The following ZNF654 variants were observed in gnomAD, a reference collection of about 807,000 sequenced individuals.
ZNF654 encodes melanoma-associated antigen.
ZNF654 carries 19 observed loss-of-function variants against 95.3 expected under a neutral mutation model. That is an observed-to-expected ratio of 0.20 (90% confidence interval 0.14 to 0.29). The LOEUF is 0.29. Ranked by LOEUF, ZNF654 falls within the 10% of genes least tolerant of loss-of-function variation. The pLI is 1.00. For missense variants in ZNF654, 1,046 were observed against 1,341.0 expected (o/e 0.78, Z 3.44); for synonymous variants, 413 against 457.9 (o/e 0.90, Z 1.25).
intron 1 of ZNF654, among the ~76,000 whole-genome samples, chr3:88,066,176 G>C (rs924420953): frequency 5.3e-5 from 8 of 152,142 alleles, no homozygotes; most frequent in African/African-American, 1.9e-4. Flanking sequence ...ATTTTAGAAT[G>C]ACCAATGAGG....
At chr3:88,123,318 C>T (rs1705893700) in intron 3 of ZNF654, among the ~76,000 whole-genome samples, 2 of 152,070 alleles carry the variant, frequency 1.3e-5, no homozygotes, top group African/African-American at 4.8e-5. Context: ...GTATTTTTGA[C>T]CCACGAAGTG....
intron 1 of ZNF654, among the ~76,000 whole-genome samples, chr3:88,083,494 T>G (rs1461145926): frequency 6.6e-6 from 1 of 152,188 alleles, no homozygotes; most frequent in African/African-American, 2.4e-5. Context: ...TTTGTCCTCT[T>G]CAATTCCCTT....
At chr3:88,118,189 A>G (rs540604774) in intron 3 of ZNF654, among the ~76,000 whole-genome samples, 9 of 152,224 alleles carry the variant, frequency 5.9e-5, no homozygotes, top group African/African-American at 2.2e-4. Context: ...ATAAGTCGCA[A>G]AGATCTTTTT....
intron 7 of ZNF654, among the ~76,000 whole-genome samples, chr3:88,137,948 A>G (rs1272513644): frequency 2.6e-5 from 4 of 152,284 alleles, no homozygotes; most frequent in Non-Finnish European, 5.9e-5. Context: ...CCTCCAATCA[A>G]AATAAGCCTT....
At chr3:88,069,322 T>C (rs1381143880) in intron 1 of ZNF654, among the ~76,000 whole-genome samples, 1 of 152,170 alleles carries the variant, frequency 6.6e-6, no homozygotes, top group Non-Finnish European at 1.5e-5. Context: ...CTTGGGAGGC[T>C]GAGGCAGGAG....
chr3:88,067,828 G>T (rs1406874480), intron 1 of ZNF654, among the ~76,000 whole-genome samples: 1 of 152,076 alleles, frequency 6.6e-6, no homozygotes, highest in African/African-American at 2.4e-5. Flanking sequence ...AAAGGAGAAG[G>T]AAAGATATGG....
At chr3:88,131,131 G>A (rs1340170716) in intron 6 of ZNF654, among the ~76,000 whole-genome samples, 1 of 152,108 alleles carries the variant, frequency 6.6e-6, no homozygotes, top group African/African-American at 2.4e-5. Context: ...TTGCTCCTAG[G>A]CTACAAACCT....
At chr3:88,109,146 TGTG>T (rs1704933585) in intron 2 of ZNF654, among the ~76,000 whole-genome samples, 1 of 145,920 alleles carries the variant, frequency 6.9e-6, no homozygotes, top group East Asian at 2.0e-4. Flanking sequence ...GGCACTAGTG[TGTG>T]TGTGTGTGTG....
chr3:88,135,417 T>C (rs1439769877), intron 7 of ZNF654: 1 of 348,486 alleles, frequency 2.9e-6, no homozygotes, highest in African/African-American at 2.1e-5. Flanking sequence ...ATGGAAGCAA[T>C]TGCTTCCATT....
chr3:88,128,303 A>G (rs1706241332), intron 4 of ZNF654, among the ~76,000 whole-genome samples: 3 of 152,094 alleles, frequency 2.0e-5, no homozygotes, highest in Non-Finnish European at 1.5e-5. Context: ...GATTAATTTT[A>G]TCTTTAAATA....
chr3:88,132,599 T>A lies in ZNF654; in HGVS notation c.894-2462T>A, dbSNP rs1276918336. On this transcript the variant is annotated intron_variant, in intron 6 of 8. Transcript: ENST00000636215. ...GAGCTTCATAACACTATCCTAAGAT[T>A]TCTGCTTTGCCTGCTTTAAAGCAAA... 5.9e-5 allele frequency among the ~76,000 whole-genome samples: 9 copies of A among 152,190 alleles called. No homozygotes were observed. In the East Asian group the frequency reaches 7.7e-4, roughly 13 times the overall value.
At chr3:88,093,131 A>G (rs1424700250) in intron 2 of ZNF654, among the ~76,000 whole-genome samples, 1 of 152,198 alleles carries the variant, frequency 6.6e-6, no homozygotes, top group Non-Finnish European at 1.5e-5. Flanking sequence ...TGTAGATAAG[A>G]AAACTGAAGC....
intron 3 of ZNF654, among the ~76,000 whole-genome samples, chr3:88,115,371 C>A (rs1267276973): frequency 6.6e-6 from 1 of 152,160 alleles, no homozygotes; most frequent in Non-Finnish European, 1.5e-5. Context: ...GTACCAGTTT[C>A]TTTATTTGTA....
chr3:88,141,077 A>G (rs1359842979), intron 8 of ZNF654, 29 bp downstream of exon 8: 1 of 1,541,588 alleles, frequency 6.5e-7, no homozygotes, highest in Non-Finnish European at 8.7e-7. Flanking sequence ...TAGTAGAGGT[A>G]TCTGTAGAAA....
intron 2 of ZNF654, among the ~76,000 whole-genome samples, chr3:88,107,828 C>T (rs976391181): frequency 6.6e-6 from 1 of 151,948 alleles, no homozygotes; most frequent in South Asian, 2.1e-4. Flanking sequence ...ATAATTTTAT[C>T]TTGTTCTTTA....
Position 88,143,829 on chromosome 3 carries a change from G to A in ZNF654, c.*2177G>A, listed in dbSNP as rs559103878. 1.1e-4 allele frequency: 16 copies of A among 151,856 alleles called. No homozygotes were observed. The South Asian group carries it at 2.7e-3, about 26-fold the overall frequency. 9.4% of individuals were successfully genotyped at this position (151,856 alleles called of 1,614,324 possible). A position where few individuals can be genotyped will look rare whatever the true frequency, so the allele number is the denominator to read the frequency against. ...TATTTGACCACACTGTCTTAACCTC[G>A]GTTTATATACTTCTCAAATAGCTAT... On this transcript the variant is annotated 3_prime_UTR_variant, in exon 9 of 9. Transcript: ENST00000636215.
At chr3:88,094,451 A>T (rs1054210033) in intron 2 of ZNF654, among the ~76,000 whole-genome samples, 1 of 152,164 alleles carries the variant, frequency 6.6e-6, no homozygotes, top group Non-Finnish European at 1.5e-5. Context: ...GAAAGTGATC[A>T]GGGGAAAAGA....
rs1306274651 is a variant in ZNF654, at chr3:88,064,564, T to A, written c.186+5059T>A. On this transcript the variant is annotated intron_variant, in intron 1 of 8. Coordinates refer to ENST00000636215, the MANE Select transcript of ZNF654 (RefSeq NM_001350134.2). ...TATGTGGTACCTCAAATTCCTGAGA[T>A]GTTCTGGGGTTCTGGGGTTGATTCA... is the stretch of plus-strand genomic sequence containing the variant. Among the ~76,000 whole-genome samples the A allele has an allele frequency of 8.5e-5, 13 of 152,304 alleles. No individual in the cohort carries two copies. In the East Asian group the frequency reaches 1.2e-3, roughly 14 times the overall value.
Position 88,139,806 on chromosome 3 carries a change from G to T in ZNF654, c.2137G>T (p.Asp713Tyr). ...GGATGAAGAAGGTGATTATGAAGAA[G>T]ATGATTATGACCTGAATCAAGAAAC... ...EEDEEGDYEE[D>Y]DYDLNQETSV... The change falls in exon 8 of 9, where the codon GAT becomes TAT. Residue 713 changes from aspartate (D) to tyrosine (Y), a missense_variant. Coordinates refer to ENST00000636215, the MANE Select transcript of ZNF654 (RefSeq NM_001350134.2). 1.3e-6 allele frequency: 2 copies of T among 1,558,694 alleles called. No individual in the cohort carries two copies. Among genetic ancestry groups the T allele is most frequent in the East Asian group, 2.4e-5 (1 of 41,612 alleles).
Sources: allele counts gnomAD v4.1 joint callset (sites outside exome capture counted in the v4.1 genomes callset), GRCh38; gene constraint gnomAD v4.1.1; transcripts MANE v1.5; gene names NCBI Gene and HGNC (gene_info 2026-07-23, HGNC 2026-07-21).